Variants in XPO6 observed in about 807,000 individuals in gnomAD.
XPO6 encodes exportin 6.
In XPO6, 3 loss-of-function variants were observed where a neutral mutation model predicts 130.0. That is an observed-to-expected ratio of 0.02 (90% CI 0.01 to 0.06). XPO6 has a LOEUF of 0.06. Among genes scored for constraint, XPO6 ranks in the 10% least tolerant of loss-of-function variants. The pLI, the probability that XPO6 is intolerant of heterozygous loss-of-function variation, is 1.00. For synonymous variants in XPO6, 524 were observed against 548.9 expected, an observed-to-expected ratio of 0.95 and a Z score of 0.63; for missense variants, 970 against 1,393.0, an observed-to-expected ratio of 0.70 and a Z score of 4.83.
intron 7 of XPO6, chr16:28,153,121 T>G: frequency 9.7e-7 from 1 of 1,031,194 alleles, no homozygotes; most frequent in Non-Finnish European, 1.2e-6. Flanking sequence ...CTGTGTCATT[T>G]CAATCTGGCA....
rs2086656950 is a variant in XPO6, at chr16:28,101,596, A to C, written c.3138T>G (p.Ile1046Met). 1.9e-6 allele frequency: 3 copies of C among 1,614,240 alleles called. No individual in the cohort carries two copies. The highest frequency in any genetic ancestry group is 2.5e-6 in the Non-Finnish European group (3 of 1,180,046). ...HKSHDLLQEE[I>M]GIAIYNMASV... The stretch of plus-strand genomic sequence containing the variant: ...AGGCCATGTTGTAGATGGCGATGCC[A>C]ATCTCCTCCTGCAGAAGATCATGGG... The change falls in exon 23 of 24, where the codon ATT becomes ATG. Residue 1046 changes from isoleucine to methionine, a missense_variant. Physicochemically the swap from Ile to Met is conservative, Grantham distance 10. Around this residue, in one of 4 missense-constraint regions of XPO6, gnomAD observed 936 missense variants for 1,306.8 expected, o/e 0.72. Coordinates refer to ENST00000304658, the MANE Select transcript of XPO6 (RefSeq NM_015171.4). This position sits in a 1 kb window ranked among gnomAD's most constrained non-coding sequence, Gnocchi z 5.4.
chr16:28,125,997 T>C (rs2087394471), intron 12 of XPO6, 149 bp from the exon 13 acceptor site: 1 of 912,116 alleles, frequency 1.1e-6, no homozygotes, highest in Non-Finnish European at 1.6e-6. Flanking sequence ...TTCCCAGTAC[T>C]GAGCAGGGAA....
rs116756117 is a variant in XPO6, at chr16:28,178,732, A to C, written c.95-1400T>G. On this transcript the variant is annotated intron_variant, in intron 2 of 23. Transcript: ENST00000304658. ...CCACTACACCCAGCCTGAGTGATAG[A>C]GCAAAATCCTATCTCTTAAAACAAA... Among the ~76,000 whole-genome samples, 658 of 150,702 alleles carry C rather than the reference A, an allele frequency of 4.4e-3. 5 individuals carry two copies. Among genetic ancestry groups the C allele is most frequent in the African/African-American group, 0.016 (638 of 41,032 alleles).
rs183733151 is a variant in XPO6 at position 28,159,902 on chromosome 16, C to A, written c.644-3375G>T. The stretch of plus-strand genomic sequence containing the variant: ...AATTTTTGTTACGTTTAGGTAAAAC[C>A]TGGCCGGGCACAGTCGCTCACGCCT... On this transcript the variant is annotated intron_variant, in intron 6 of 23. Coordinates refer to ENST00000304658, the MANE Select transcript of XPO6 (RefSeq NM_015171.4). Among the ~76,000 whole-genome samples, 34 of 152,278 alleles carry A rather than the reference C, an allele frequency of 2.2e-4. No individual in the cohort carries two copies. The East Asian group carries it at 5.0e-3, about 22-fold the overall frequency.
At chr16:28,099,387 C>T (rs2086605605) in intron 23 of XPO6, among the ~76,000 whole-genome samples, 1 of 152,202 alleles carries the variant, frequency 6.6e-6, no homozygotes, top group South Asian at 2.1e-4. Context: ...TCCTGCCCAA[C>T]CACTATTCCT....
rs143988500 is a variant in XPO6 at position 28,167,827 on chromosome 16, G to T, written c.566-1242C>A. On this transcript the variant is annotated intron_variant, in intron 5 of 23. Transcript: ENST00000304658. ...TTAAGTGAAAAAGCCAGACACAAAA[G>T]ATCACATATTGTATGCTTCCATTTT... Among the ~76,000 whole-genome samples the T allele has an allele frequency of 2.5e-3, 371 of 150,866 alleles. 1 individual carries two copies. The highest frequency in any genetic ancestry group is 8.6e-3 in the African/African-American group (351 of 41,026).
chr16:28,120,447 T>C (rs1433721546), intron 14 of XPO6, among the ~76,000 whole-genome samples: 4 of 152,226 alleles, frequency 2.6e-5, no homozygotes, highest in African/African-American at 9.6e-5. Context: ...TAAAATTTTA[T>C]TTTATATTTA....
At chr16:28,133,006 G>A (rs557874117) in intron 11 of XPO6, among the ~76,000 whole-genome samples, 1 of 152,202 alleles carries the variant, frequency 6.6e-6, no homozygotes, top group Non-Finnish European at 1.5e-5. Context: ...AGCTTTCCAG[G>A]AGAGAACACA....
At chr16:28,116,440 C>T (rs1038705848) in intron 15 of XPO6, among the ~76,000 whole-genome samples, 1 of 148,074 alleles carries the variant, frequency 6.8e-6, no homozygotes, top group East Asian at 2.0e-4. Flanking sequence ...CCAGCCCGGG[C>T]GACAGAGCGA....
intron 1 of XPO6, among the ~76,000 whole-genome samples, chr16:28,187,302 A>T (rs1159977514): frequency 6.6e-6 from 1 of 152,200 alleles, no homozygotes; most frequent in Non-Finnish European, 1.5e-5. Flanking sequence ...CACAGATTAC[A>T]GTACAGATCA....
rs953054983 is a variant in XPO6, at chr16:28,106,554, C to G, written c.2498-57G>C. On this transcript the variant is annotated intron_variant, in intron 18 of 23. Coordinates refer to ENST00000304658, the MANE Select transcript of XPO6 (RefSeq NM_015171.4). This position sits in a 1 kb window ranked among gnomAD's most constrained non-coding sequence, Gnocchi z 4.2. Reference sequence around the variant, plus strand: ...CTTGCACACAGTGAGAACCAGAACCCTGGGCTTCATCAACCTACTCCTGAA... The same window carrying G: ...CTTGCACACAGTGAGAACCAGAACCGTGGGCTTCATCAACCTACTCCTGAA... 4.2e-6 allele frequency: 6 copies of G among 1,432,442 alleles called. No homozygotes were observed. Among genetic ancestry groups the G allele is most frequent in the Non-Finnish European group, 5.9e-6 (6 of 1,020,462 alleles). The allele number at this position is 1,432,442 out of a possible 1,614,324, so 88.7% of individuals were successfully genotyped here. A position where few individuals can be genotyped will look rare whatever the true frequency, so the allele number is the denominator to read the frequency against.
intron 1 of XPO6, among the ~76,000 whole-genome samples, chr16:28,191,495 C>T (rs566745348): frequency 6.6e-6 from 1 of 152,236 alleles, no homozygotes; most frequent in Non-Finnish European, 1.5e-5. Flanking sequence ...GGCAAGCTAC[C>T]AAGAAATGCT....
chr16:28,209,365 C>T (rs747130481), intron 1 of XPO6, among the ~76,000 whole-genome samples: 7 of 152,046 alleles, frequency 4.6e-5, no homozygotes, highest in Non-Finnish European at 7.4e-5. Context: ...TGAGGCCGGG[C>T]GCGATGGCTC....
intron 1 of XPO6, among the ~76,000 whole-genome samples, chr16:28,184,173 G>T (rs942211374): frequency 6.6e-6 from 1 of 152,190 alleles, no homozygotes; most frequent in Admixed American, 6.5e-5. Context: ...GCCATCGTGT[G>T]GTAGGGAGAC....
At chr16:28,113,374 C>A (rs994731069) in intron 15 of XPO6, among the ~76,000 whole-genome samples, 1 of 152,148 alleles carries the variant, frequency 6.6e-6, no homozygotes, top group Non-Finnish European at 1.5e-5. Context: ...GCATGTCATC[C>A]AGGTCCTAGA....
chr16:28,132,468 T>A lies in XPO6; in HGVS notation c.1537-65A>T. 9.1e-7 allele frequency: 1 copy of A among 1,096,728 alleles called. No individual in the cohort carries two copies. Among genetic ancestry groups the A allele is most frequent in the Non-Finnish European group, 1.3e-6 (1 of 741,208 alleles). The allele number at this position is 1,096,728 out of a possible 1,614,324, so 67.9% of individuals were successfully genotyped here. On this transcript the variant is annotated intron_variant, in intron 11 of 23. Coordinates refer to ENST00000304658, the MANE Select transcript of XPO6 (RefSeq NM_015171.4). This position sits in a 1 kb window ranked among gnomAD's most constrained non-coding sequence, Gnocchi z 4.0. ...ATAAATGCAAGTTTTAATAGCATTT[T>A]AACATTACAACATTAACACGTAACT...
intron 12 of XPO6, 145 bp from the exon 13 acceptor site, chr16:28,125,993 G>A (rs894815889): frequency 2.1e-6 from 2 of 969,932 alleles, no homozygotes. Context: ...CTGCTTCCCA[G>A]TACTGAGCAG....
Position 28,146,120 on chromosome 16 carries a change from A to G in XPO6, c.1308T>C (p.Leu436=). 1 of 1,614,078 alleles carries G rather than the reference A, an allele frequency of 6.2e-7. No homozygotes were observed. The highest frequency in any genetic ancestry group is 8.5e-7 in the Non-Finnish European group (1 of 1,179,964). Residue 436 remains leucine (L), a synonymous_variant, in exon 9 of 24, where the codon CTT becomes CTC. Transcript: ENST00000304658. Reference sequence around the variant, plus strand: ...TGTTGAGAACTGCTTCCTTGTCTCCAAGACGACTTTTAATTTTACTTGTCA... The same window carrying G: ...TGTTGAGAACTGCTTCCTTGTCTCCGAGACGACTTTTAATTTTACTTGTCA... ...DYLTSKIKSR[L]GDKEAVLNRY...
At chr16:28,199,388 C>T (rs1021167482) in intron 1 of XPO6, among the ~76,000 whole-genome samples, 5 of 152,166 alleles carry the variant, frequency 3.3e-5, no homozygotes, top group African/African-American at 1.2e-4. Flanking sequence ...AATTCTCCCA[C>T]CTCAGCCTCC....
Sources: allele counts gnomAD v4.1 joint callset (sites outside exome capture counted in the v4.1 genomes callset), GRCh38; gene constraint gnomAD v4.1.1; regional missense constraint gnomAD v4.1.1; non-coding constraint Gnocchi (gnomAD v3.1); transcripts MANE v1.5; gene names NCBI Gene and HGNC (gene_info 2026-07-23, HGNC 2026-07-21).